Variants in ROR1 observed in about 807,000 individuals in gnomAD.
The protein encoded by ROR1 is inactive tyrosine-protein kinase transmembrane receptor ROR1.
Under a neutral mutation model 78.8 loss-of-function variants are expected in ROR1, and 19 were observed. The ratio of observed to expected loss-of-function variants is 0.24; its 90% CI spans 0.17 to 0.35. The LOEUF (loss-of-function observed/expected upper bound fraction) is 0.35. Among genes scored for constraint, ROR1 ranks in the 10% least tolerant of loss-of-function variants. The pLI is 1.00. For synonymous variants in ROR1, 386 were observed against 433.6 expected (o/e 0.89, Z 1.36); for missense variants, 917 against 1,177.8 (o/e 0.78, Z 3.24).
At chr1:63,871,110 T>A (rs997222265) in intron 1 of ROR1, among the ~76,000 whole-genome samples, 1 of 152,180 alleles carries the variant, frequency 6.6e-6, no homozygotes, top group Admixed American at 6.5e-5. Context: ...ATGTGAAATG[T>A]TATGGTTGTT....
Position 63,774,449 on chromosome 1 carries a change from C to A in ROR1, c.32C>A (p.Pro11Gln). ...CGGCCGCGCCGCCGCGGGACGCGCC[C>A]GCCGCTCCTGGCGCTGCTGGCCGCG... MHRPRRRGTR[P>Q]PLLALLAALL... is the part of the protein sequence containing the mutation. Residue 11 changes from proline to glutamine, a missense_variant, in exon 1 of 9, where the codon CCG becomes CAG. Pro to Gln is a moderately conservative substitution (Grantham distance 76). This residue lies in a region of ROR1 where 63 missense variants were observed against 57.0 expected (regional missense o/e 1.10). Transcript: ENST00000371079. This position sits in a 1 kb window ranked among gnomAD's most constrained non-coding sequence, Gnocchi z 5.7. The A allele has an allele frequency of 8.5e-7, 1 of 1,175,602 alleles. No individual in the cohort carries two copies. Among genetic ancestry groups the A allele is most frequent in the Non-Finnish European group, 1.0e-6 (1 of 956,820 alleles). 72.8% of individuals were successfully genotyped at this position (1,175,602 alleles called of 1,614,324 possible).
chr1:63,956,881 T>C (rs752607279), intron 1 of ROR1, among the ~76,000 whole-genome samples: 1 of 152,152 alleles, frequency 6.6e-6, no homozygotes, highest in East Asian at 1.9e-4. Flanking sequence ...TGTAATGGAG[T>C]TGAAAACACT....
At chr1:64,172,907 G>C (rs567760586) in intron 8 of ROR1, among the ~76,000 whole-genome samples, 2 of 152,062 alleles carry the variant, frequency 1.3e-5, no homozygotes, top group South Asian at 4.1e-4. Flanking sequence ...TAGCCTAAAG[G>C]GTTTGTATAA....
chr1:64,020,728 A>AC (rs1646558283), intron 2 of ROR1, among the ~76,000 whole-genome samples: 2 of 152,174 alleles, frequency 1.3e-5, no homozygotes, highest in African/African-American at 2.4e-5. Context: ...GTTGGTCCAC[A>AC]AACAGATTAT....
intron 2 of ROR1, among the ~76,000 whole-genome samples, chr1:64,046,240 T>A (rs1479354338): frequency 6.6e-6 from 1 of 152,068 alleles, no homozygotes; most frequent in East Asian, 1.9e-4. Context: ...GCTACTTGAG[T>A]CTAGTGTGAA....
chr1:63,997,367 C>T (rs1001015082), intron 1 of ROR1, among the ~76,000 whole-genome samples: 1 of 152,112 alleles, frequency 6.6e-6, no homozygotes, highest in Non-Finnish European at 1.5e-5. Flanking sequence ...AGTGGTCAAC[C>T]AATTAAGAGA....
In ROR1 at chr1:64,180,067, G is replaced by A. The variant is rs981426275; in HGVS notation, c.*1212G>A. 15 of 152,116 alleles carry A rather than the reference G, an allele frequency of 9.9e-5. No homozygotes were observed. Among genetic ancestry groups the A allele is most frequent in the Admixed American group, 8.5e-4 (13 of 15,270 alleles). 9.4% of individuals were successfully genotyped at this position (152,116 alleles called of 1,614,324 possible). On this transcript the variant is annotated 3_prime_UTR_variant, in exon 9 of 9. Coordinates refer to ENST00000371079, the MANE Select transcript of ROR1 (RefSeq NM_005012.4). Reference sequence around the variant, plus strand: ...GGTCTTCCTAAAAAACAAGTACTGAGTTCTCATTTCAAAAGTTACCAAGAA... The same window carrying A: ...GGTCTTCCTAAAAAACAAGTACTGAATTCTCATTTCAAAAGTTACCAAGAA...
At chr1:63,905,663 A>T (rs1042644400) in intron 1 of ROR1, among the ~76,000 whole-genome samples, 3 of 152,234 alleles carry the variant, frequency 2.0e-5, no homozygotes, top group Non-Finnish European at 4.4e-5. Context: ...GTCATGGCAA[A>T]GCATACATGG....
At chr1:63,947,246 C>T (rs1486580901) in intron 1 of ROR1, among the ~76,000 whole-genome samples, 1 of 152,172 alleles carries the variant, frequency 6.6e-6, no homozygotes, top group Non-Finnish European at 1.5e-5. Flanking sequence ...TGTTAATCAT[C>T]GCACTGGCAG....
chr1:64,163,076 CAGAG>C (rs1350329754), intron 8 of ROR1, among the ~76,000 whole-genome samples: 5 of 152,050 alleles, frequency 3.3e-5, no homozygotes, highest in African/African-American at 7.2e-5. Context: ...GTTAGGCAGA[CAGAG>C]AGGTTAAAAG....
intron 7 of ROR1, 173 bp downstream of exon 7, chr1:64,142,823 G>T: frequency 1.4e-6 from 2 of 1,427,608 alleles, no homozygotes; most frequent in East Asian, 2.5e-5. Context: ...ACCTCGTAAG[G>T]TACCAAAACA....
intron 1 of ROR1, among the ~76,000 whole-genome samples, chr1:63,969,691 G>A (rs533647272): frequency 7.2e-5 from 11 of 152,154 alleles, no homozygotes; most frequent in Admixed American, 4.6e-4. Context: ...GTGATGAACC[G>A]TCCAGTTCTG....
chr1:63,829,999 T>A (rs1235137484), intron 1 of ROR1, among the ~76,000 whole-genome samples: 2 of 151,156 alleles, frequency 1.3e-5, no homozygotes, highest in African/African-American at 4.9e-5. Flanking sequence ...CTGGTGAATA[T>A]CATAGCAATG....
At chr1:64,037,533 T>C (rs1225173865) in intron 2 of ROR1, among the ~76,000 whole-genome samples, 3 of 152,158 alleles carry the variant, frequency 2.0e-5, no homozygotes, top group Admixed American at 6.5e-5. Flanking sequence ...TCTTGTGTGC[T>C]GGGAACTGGC....
At chr1:64,113,950 C>G (rs995032734) in intron 4 of ROR1, among the ~76,000 whole-genome samples, 5 of 152,130 alleles carry the variant, frequency 3.3e-5, no homozygotes, top group Non-Finnish European at 7.3e-5. Flanking sequence ...GATAAAAACA[C>G]TCTTACTCGT....
Position 63,807,774 on chromosome 1 carries a change from C to T in ROR1, c.91+33266C>T, listed in dbSNP as rs1175844624. On this transcript the variant is annotated intron_variant, in intron 1 of 8. Transcript: ENST00000371079. The stretch of plus-strand genomic sequence containing the variant: ...CCTGGGGTGGGGATATTTATTGTTG[C>T]TGCTGGTTGGCATCAGTATTTGGTA... Among the ~76,000 whole-genome samples the T allele has an allele frequency of 2.0e-5, 3 of 152,122 alleles. No individual in the cohort carries two copies. In the East Asian group the frequency reaches 5.8e-4, roughly 29 times the overall value.
At chr1:63,830,016 A>G (rs988737799) in intron 1 of ROR1, among the ~76,000 whole-genome samples, 1 of 149,984 alleles carries the variant, frequency 6.7e-6, no homozygotes, top group Admixed American at 6.6e-5. Flanking sequence ...AATGAGGCCA[A>G]AAAAAAAAAC....
At chr1:63,946,439 G>A (rs532610477) in intron 1 of ROR1, among the ~76,000 whole-genome samples, 119 of 152,184 alleles carry the variant, frequency 7.8e-4, no homozygotes, top group African/African-American at 2.3e-3. Context: ...GCACAGAATC[G>A]AATGTATTCA....
chr1:63,803,089 G>A (rs1249057775), intron 1 of ROR1, among the ~76,000 whole-genome samples: 1 of 152,114 alleles, frequency 6.6e-6, no homozygotes, highest in Non-Finnish European at 1.5e-5. Context: ...TATTTCAGGT[G>A]CTCACTTGCC....
Sources: gnomAD v4.1 joint callset for allele counts (sites outside exome capture counted in the v4.1 genomes callset) on GRCh38, gnomAD v4.1.1 for gene constraint, gnomAD v4.1.1 regional missense constraint, Gnocchi (gnomAD v3.1) non-coding constraint, MANE v1.5 for transcripts, NCBI Gene and HGNC (gene_info 2026-07-23, HGNC 2026-07-21) for gene names.